The following DENND1A variants were observed in gnomAD, a reference collection of about 807,000 sequenced individuals.
DENND1A encodes the protein DENN domain containing 1A.
Under a neutral mutation model 113.7 loss-of-function variants are expected in DENND1A, and 51 were observed. The ratio of observed to expected loss-of-function variants is 0.45; its 90% CI spans 0.36 to 0.57. The LOEUF (loss-of-function observed/expected upper bound fraction) is 0.57. Among genes scored for constraint, DENND1A ranks in the 20% least tolerant of loss-of-function variants. The probability of loss-of-function intolerance (pLI) is 0.00; values close to 1 mark genes in which losing one functional copy is unlikely to be tolerated. For missense variants in DENND1A, 1,258 were observed against 1,395.9 expected (o/e 0.90, Z 1.57); for synonymous variants, 565 against 570.8 (o/e 0.99, Z 0.14).
intron 9 of DENND1A, among the ~76,000 whole-genome samples, chr9:123,642,628 G>C (rs1308314302): frequency 6.6e-6 from 1 of 152,048 alleles, no homozygotes; most frequent in Non-Finnish European, 1.5e-5. Flanking sequence ...TCTCTGTTTG[G>C]TAAGTTTCCA....
At chr9:123,579,229 C>T (rs934503272) in intron 12 of DENND1A, among the ~76,000 whole-genome samples, 1 of 151,950 alleles carries the variant, frequency 6.6e-6, no homozygotes, top group African/African-American at 2.4e-5. Flanking sequence ...TCTCAAACAA[C>T]CTTATGTGGA....
chr9:123,765,757 CTA>C (rs1302277876), intron 4 of DENND1A, among the ~76,000 whole-genome samples: 1 of 152,028 alleles, frequency 6.6e-6, no homozygotes, highest in Non-Finnish European at 1.5e-5. Context: ...TTTTAAGAGA[CTA>C]TTTTTATTAG....
rs1357290475 is a variant in DENND1A at position 123,843,116 on chromosome 9, A to T, written c.88+35835T>A. 5.5e-6 allele frequency: 3 copies of T among 546,516 alleles called. No individual in the cohort carries two copies. In the African/African-American group the frequency reaches 5.7e-5, roughly 10 times the overall value. 33.9% of individuals were successfully genotyped at this position (546,516 alleles called of 1,614,324 possible). On this transcript the variant is annotated intron_variant, in intron 2 of 23. Coordinates refer to ENST00000394215, the MANE Select transcript of DENND1A (RefSeq NM_001352964.2). Reference sequence around the variant, plus strand: ...CAATTATCCTAAGTGTCTTCATTCCATCATTCTTCTTGGAGAACTTCTCAA... The same window carrying T: ...CAATTATCCTAAGTGTCTTCATTCCTTCATTCTTCTTGGAGAACTTCTCAA...
intron 8 of DENND1A, among the ~76,000 whole-genome samples, chr9:123,659,472 C>A (rs1456464215): frequency 1.3e-5 from 2 of 152,168 alleles, no homozygotes; most frequent in Non-Finnish European, 2.9e-5. Flanking sequence ...AAAAGATGTG[C>A]TCCAAGAATA....
chr9:123,740,400 T>C (rs1055030920), intron 5 of DENND1A, among the ~76,000 whole-genome samples: 2 of 152,174 alleles, frequency 1.3e-5, no homozygotes, highest in Admixed American at 6.5e-5. Flanking sequence ...ACAACTCCCA[T>C]AGGCTATTAT....
Position 123,422,449 on chromosome 9 carries a change from T to C in DENND1A, c.1489-10620A>G, listed in dbSNP as rs144844665. ...CAATGGGAAGCTTAGATATGAAATA[T>C]CCCAAAATTTCCCTAGTGTGTCTGT... On this transcript the variant is annotated intron_variant, in intron 19 of 23. Transcript: ENST00000394215. The surrounding 1 kb of genome is among the most constrained non-coding windows in gnomAD (Gnocchi z 4.8). 6.6e-6 allele frequency among the ~76,000 whole-genome samples: 1 copy of C among 151,468 alleles called. No homozygotes were observed. The highest frequency in any genetic ancestry group is 1.9e-4 in the East Asian group (1 of 5,168).
At chr9:123,520,187 T>G (rs1309437600) in intron 13 of DENND1A, among the ~76,000 whole-genome samples, 3 of 138,044 alleles carry the variant, frequency 2.2e-5, no homozygotes, top group Non-Finnish European at 4.6e-5. Context: ...CCACCTGTGG[T>G]GGCTTATGCC....
intron 2 of DENND1A, chr9:123,798,267 A>G (rs1834070908): frequency 6.6e-6 from 1 of 152,238 alleles, no homozygotes. Flanking sequence ...CCACCTCAGT[A>G]TGGCAAGCAA....
At chr9:123,793,973 C>T (rs894923774) in intron 2 of DENND1A, among the ~76,000 whole-genome samples, 1 of 152,204 alleles carries the variant, frequency 6.6e-6, no homozygotes, top group African/African-American at 2.4e-5. Context: ...TCTTCACCCT[C>T]GTCTTCAACT....
At position 123,639,734 on chromosome 9, in the gene DENND1A, G is replaced by A. The variant is rs988248527; in HGVS notation, c.619-9258C>T. 5.5e-4 allele frequency among the ~76,000 whole-genome samples: 78 copies of A among 141,414 alleles called. 1 individual carries two copies. Among genetic ancestry groups the A allele is most frequent in the Admixed American group, 3.3e-3 (43 of 13,064 alleles). The allele number at this position is 141,414 out of a possible 152,430, so 92.8% of individuals were successfully genotyped here. ...AGAGGTTGTGGTGAGCCAAGATCTCGCCACTGCACTCTAGCCTGGGCAACA... is the reference window on the plus strand; with the variant it reads ...AGAGGTTGTGGTGAGCCAAGATCTCACCACTGCACTCTAGCCTGGGCAACA... On this transcript the variant is annotated intron_variant, in intron 9 of 23. Coordinates refer to ENST00000394215, the MANE Select transcript of DENND1A (RefSeq NM_001352964.2).
chr9:123,682,500 A>G (rs942915038), intron 5 of DENND1A, among the ~76,000 whole-genome samples: 5 of 152,118 alleles, frequency 3.3e-5, no homozygotes, highest in Non-Finnish European at 7.4e-5. Context: ...CGTGTTTCCA[A>G]TGGCAAAGCA....
At chr9:123,412,529 G>GA (rs1256747293) in intron 19 of DENND1A, among the ~76,000 whole-genome samples, 12 of 152,316 alleles carry the variant, frequency 7.9e-5, no homozygotes, top group African/African-American at 2.6e-4. Context: ...GAGACCTGGG[G>GA]AAAAAATCTG....
rs2042206600 is a variant in DENND1A, at chr9:123,380,218, A to AAAT, written c.*1211_*1213dup. ...GCGTGTCTCAGATGGTTGTTTTCTT[A>AAAT]AATGGTCGGGCCATACTTTAACTTG... On this transcript the variant is annotated 3_prime_UTR_variant, in exon 24 of 24. Transcript: ENST00000394215. 6.6e-6 allele frequency: 1 copy of AAAT among 152,452 alleles called. No individual in the cohort carries two copies. The highest frequency in any genetic ancestry group is 2.4e-5 in the African/African-American group (1 of 41,460). The allele number at this position is 152,452 out of a possible 1,614,324, so 9.4% of individuals were successfully genotyped here. A position where few individuals can be genotyped will look rare whatever the true frequency, so the allele number is the denominator to read the frequency against.
At chr9:123,619,582 G>T (rs1374701856) in intron 10 of DENND1A, among the ~76,000 whole-genome samples, 1 of 152,036 alleles carries the variant, frequency 6.6e-6, no homozygotes, top group East Asian at 1.9e-4. Context: ...ATCACACCTG[G>T]CTAATTTTTG....
At chr9:123,461,957 A>G (rs1270818068) in intron 13 of DENND1A, 2 of 152,312 alleles carry the variant, frequency 1.3e-5, no homozygotes, top group African/African-American at 4.8e-5. Context: ...CAGGAGTCCA[A>G]AGAGGAAACG....
chr9:123,495,170 T>TCTCTCTCTCTCTCTCTCTCTC (rs371539514), intron 13 of DENND1A, among the ~76,000 whole-genome samples: 59 of 149,530 alleles, frequency 3.9e-4, no homozygotes, highest in African/African-American at 7.4e-4. Flanking sequence ...TCTCTCTCTC[T>TCTCTCTCTCTCTCTCTCTCTC]TATAATGTCT....
chr9:123,730,238 A>G (rs962261036), intron 5 of DENND1A, among the ~76,000 whole-genome samples: 3 of 152,248 alleles, frequency 2.0e-5, no homozygotes, highest in African/African-American at 7.2e-5. Flanking sequence ...CAATGGCAAC[A>G]AAAGCCAAAA....
chr9:123,419,527 A>C lies in DENND1A; in HGVS notation c.1489-7698T>G, dbSNP rs1478634766. Among the ~76,000 whole-genome samples the C allele has an allele frequency of 3.3e-5, 5 of 152,340 alleles. No homozygotes were observed. In the East Asian group the frequency reaches 5.8e-4, roughly 18 times the overall value. ...TAATGAGGAGAGTGTTCACCTGGTT[A>C]ATTTTTCCTGGCTAGTAGCCACATC... On this transcript the variant is annotated intron_variant, in intron 19 of 23. Coordinates refer to ENST00000394215, the MANE Select transcript of DENND1A (RefSeq NM_001352964.2).
At chr9:123,734,561 C>T (rs2068421298) in intron 5 of DENND1A, among the ~76,000 whole-genome samples, 1 of 151,912 alleles carries the variant, frequency 6.6e-6, no homozygotes, top group African/African-American at 2.4e-5. Context: ...GGGATGGGGG[C>T]AAGACAAAAG....
Sources: gnomAD v4.1 joint callset for allele counts (sites outside exome capture counted in the v4.1 genomes callset) on GRCh38, gnomAD v4.1.1 for gene constraint, Gnocchi (gnomAD v3.1) non-coding constraint, MANE v1.5 for transcripts, NCBI Gene and HGNC (gene_info 2026-07-23, HGNC 2026-07-21) for gene names.